The following NXPE2 variants were observed in gnomAD, a reference collection of about 807,000 sequenced individuals.
NXPE2 encodes the protein NXPE family member 2.
Under a neutral mutation model 34.4 loss-of-function variants are expected in NXPE2, and 34 were observed. The ratio of observed to expected loss-of-function variants is 0.99; its 90% CI spans 0.75 to 1.31. The LOEUF is 1.31. Ranked by LOEUF, NXPE2 falls within the 40% of genes most tolerant of loss-of-function variation. The probability of loss-of-function intolerance (pLI) is 0.00; values close to 1 mark genes in which losing one functional copy is unlikely to be tolerated. For missense variants in NXPE2, 649 were observed against 672.5 expected (o/e 0.97, Z 0.39); for synonymous variants, 235 against 231.3 (o/e 1.02, Z -0.15).
the NXPE2 span, chr11:114,570,956 TA>T: frequency 6.3e-7 from 1 of 1,595,528 alleles, no homozygotes; most frequent in Non-Finnish European, 8.5e-7. Flanking sequence ...TATAGTTTAA[TA>T]ATATATTAAT....
At chr11:114,580,447 T>C in the NXPE2 span, 2 of 853,804 alleles carry the variant, frequency 2.3e-6, no homozygotes, top group Non-Finnish European at 3.7e-6. Context: ...AAGGTGGTGG[T>C]AATGGTGGAA....
the NXPE2 span, among the ~76,000 whole-genome samples, chr11:114,555,811 T>C: frequency 3.0e-3 from 454 of 152,350 alleles, 3 homozygotes; most frequent in African/African-American, 0.011. Flanking sequence ...CTTCTTGGAC[T>C]TATGATTATG....
upstream of NXPE2, among the ~76,000 whole-genome samples, chr11:114,677,967 A>G (rs1031588560): frequency 1.3e-5 from 2 of 152,072 alleles, no homozygotes; most frequent in African/African-American, 2.4e-5. Context: ...ACCTTGTTAC[A>G]TATTCAAGTT....
At chr11:114,601,177 A>G in the NXPE2 span, among the ~76,000 whole-genome samples, 1 of 151,618 alleles carries the variant, frequency 6.6e-6, no homozygotes, top group Non-Finnish European at 1.5e-5. Flanking sequence ...CTGGAGTTTT[A>G]GTGTACCTGT....
chr11:114,553,634 T>G, the NXPE2 span: 1 of 818,716 alleles, frequency 1.2e-6, no homozygotes, highest in South Asian at 5.6e-5. Context: ...CAAATCAGAC[T>G]TCTTAGAATC....
chr11:114,690,311 A>C (rs552493435), intron 2 of NXPE2, among the ~76,000 whole-genome samples: 2 of 152,286 alleles, frequency 1.3e-5, no homozygotes, highest in African/African-American at 4.8e-5. Context: ...TTCCCTTAGC[A>C]AATACTTGTC....
intron 2 of NXPE2, among the ~76,000 whole-genome samples, chr11:114,683,222 G>T (rs1397207181): frequency 6.6e-6 from 1 of 151,720 alleles, no homozygotes; most frequent in African/African-American, 2.4e-5. Context: ...TGGACTTTCT[G>T]GTTTGTTCTG....
At chr11:114,744,612 C>G in the NXPE2 span, among the ~76,000 whole-genome samples, 1 of 151,956 alleles carries the variant, frequency 6.6e-6, no homozygotes, top group Admixed American at 6.6e-5. Flanking sequence ...GAGTTTGAGA[C>G]CAGCCTGGGA....
chr11:114,601,405 C>T, the NXPE2 span, among the ~76,000 whole-genome samples: 1 of 138,276 alleles, frequency 7.2e-6, no homozygotes, highest in Non-Finnish European at 1.5e-5. Flanking sequence ...ATCCGTGTTG[C>T]TGCAAAAGAT....
At chr11:114,614,384 T>C in the NXPE2 span, among the ~76,000 whole-genome samples, 137 of 151,740 alleles carry the variant, frequency 9.0e-4, no homozygotes, top group Non-Finnish European at 1.6e-3. Context: ...TGGTGGATAA[T>C]AAGTGTAGCC....
downstream of NXPE2, among the ~76,000 whole-genome samples, chr11:114,709,880 T>G (rs2366580): frequency 0.36 from 54,033 of 150,982 alleles, 9,900 homozygotes; most frequent in South Asian, 0.38. Flanking sequence ...CCAGCCTGGG[T>G]GACAGAGCGA....
chr11:114,480,397 G>A, the NXPE2 span, among the ~76,000 whole-genome samples: 3 of 152,150 alleles, frequency 2.0e-5, no homozygotes, highest in South Asian at 2.1e-4. Context: ...AATGAATGTT[G>A]GGGAGAAAAT....
the NXPE2 span, chr11:114,552,817 C>A: frequency 1.1e-6 from 1 of 905,850 alleles, no homozygotes; most frequent in Non-Finnish European, 1.3e-6. Flanking sequence ...TTTCATAGAT[C>A]TTTAAACTTA....
At chr11:114,476,592 A>G in the NXPE2 span, among the ~76,000 whole-genome samples, 2 of 152,188 alleles carry the variant, frequency 1.3e-5, no homozygotes, top group Non-Finnish European at 2.9e-5. Flanking sequence ...ACTTACAGTC[A>G]TGGTGGAAGG....
At chr11:114,509,855 T>G in the NXPE2 span, among the ~76,000 whole-genome samples, 2 of 152,276 alleles carry the variant, frequency 1.3e-5, no homozygotes, top group South Asian at 4.2e-4. Flanking sequence ...TTAAATAATC[T>G]GTACAACAAA....
chr11:114,636,927 A>G, the NXPE2 span, among the ~76,000 whole-genome samples: 1 of 152,110 alleles, frequency 6.6e-6, no homozygotes, highest in East Asian at 1.9e-4. Context: ...TGCTGAAAAA[A>G]ATGTATATTC....
At chr11:114,473,365 A>C in the NXPE2 span, among the ~76,000 whole-genome samples, 1 of 152,230 alleles carries the variant, frequency 6.6e-6, no homozygotes, top group South Asian at 2.1e-4. Context: ...ATTTCTAGAG[A>C]AGAATAAAAA....
chr11:114,585,612 T>C, the NXPE2 span, among the ~76,000 whole-genome samples: 3 of 151,906 alleles, frequency 2.0e-5, no homozygotes, highest in African/African-American at 4.8e-5. Context: ...TGTGTGTGTA[T>C]ATATATGTAT....
chr11:114,602,323 ACT>A, the NXPE2 span, among the ~76,000 whole-genome samples: 1 of 113,580 alleles, frequency 8.8e-6, no homozygotes, highest in Non-Finnish European at 1.7e-5. Flanking sequence ...TATATATTAT[ACT>A]ATATATATGT....
Sources: allele counts gnomAD v4.1 joint callset (sites outside exome capture counted in the v4.1 genomes callset), GRCh38; gene constraint gnomAD v4.1.1; transcripts MANE v1.5; gene names NCBI Gene and HGNC (gene_info 2026-07-23, HGNC 2026-07-21).